Variants in RPS6KC1 observed in about 807,000 individuals in gnomAD.
RPS6KC1 encodes the protein inactive ribosomal protein S6 kinase delta-1.
RPS6KC1 carries 54 observed loss-of-function variants against 103.8 expected under a neutral mutation model. The observed-to-expected ratio is 0.52, with a 90% CI of 0.42 to 0.65. The LOEUF is 0.65. RPS6KC1 is among the 30% of genes least tolerant of loss of function. The pLI is 0.00. For synonymous variants in RPS6KC1, 439 were observed against 438.7 expected, an observed-to-expected ratio of 1.00 and a Z score of -0.01; for missense variants, 1,151 against 1,253.8, an observed-to-expected ratio of 0.92 and a Z score of 1.24.
the RPS6KC1 span, among the ~76,000 whole-genome samples, chr1:213,783,096 T>A: frequency 1.3e-5 from 2 of 152,196 alleles, no homozygotes; most frequent in East Asian, 3.9e-4. Flanking sequence ...CAGGGGAACG[T>A]GTTATTTCTT....
At chr1:213,548,725 G>C in the RPS6KC1 span, among the ~76,000 whole-genome samples, 1 of 152,086 alleles carries the variant, frequency 6.6e-6, no homozygotes. Flanking sequence ...GTAAGAAGTA[G>C]GATTGGGATG....
the RPS6KC1 span, among the ~76,000 whole-genome samples, chr1:213,390,980 A>G: frequency 6.6e-6 from 1 of 152,118 alleles, no homozygotes; most frequent in Non-Finnish European, 1.5e-5. Flanking sequence ...TTTTGGGTAT[A>G]TGTGATACCG....
At chr1:213,511,914 G>T in the RPS6KC1 span, among the ~76,000 whole-genome samples, 1 of 152,096 alleles carries the variant, frequency 6.6e-6, no homozygotes, top group Non-Finnish European at 1.5e-5. Context: ...ACTAACATAA[G>T]CTCCATAAAT....
the RPS6KC1 span, among the ~76,000 whole-genome samples, chr1:213,618,677 G>A: frequency 8.4e-4 from 128 of 152,308 alleles, no homozygotes; most frequent in African/African-American, 2.7e-3. Context: ...GAATGAGATG[G>A]TATTCCAGGA....
At chr1:213,328,540 A>ATATC in the RPS6KC1 span, among the ~76,000 whole-genome samples, 1 of 133,262 alleles carries the variant, frequency 7.5e-6, no homozygotes, top group Non-Finnish European at 1.6e-5. Flanking sequence ...ATATATATAT[A>ATATC]TCACACACAC....
intron 10 of RPS6KC1, among the ~76,000 whole-genome samples, chr1:213,239,750 T>C (rs2094308769): frequency 6.6e-6 from 1 of 152,208 alleles, no homozygotes; most frequent in Non-Finnish European, 1.5e-5. Context: ...CAAAGTATAC[T>C]TCTGTAGTTA....
the RPS6KC1 span, among the ~76,000 whole-genome samples, chr1:213,653,507 A>T: frequency 6.6e-6 from 1 of 152,010 alleles, no homozygotes; most frequent in Non-Finnish European, 1.5e-5. Context: ...GTTTCTTTCA[A>T]GTTTGTATCA....
At chr1:213,158,890 A>G (rs2090187520) in intron 6 of RPS6KC1, among the ~76,000 whole-genome samples, 1 of 152,108 alleles carries the variant, frequency 6.6e-6, no homozygotes, top group African/African-American at 2.4e-5. Flanking sequence ...AACTTTAGAG[A>G]TTACTTACCC....
At chr1:213,385,849 G>A in the RPS6KC1 span, among the ~76,000 whole-genome samples, 5 of 152,212 alleles carry the variant, frequency 3.3e-5, no homozygotes, top group African/African-American at 4.8e-5. Flanking sequence ...TGCTGAGCTC[G>A]ACTGGTGGCC....
chr1:213,279,459 CT>C (rs111956853), downstream of RPS6KC1, among the ~76,000 whole-genome samples: 59 of 152,296 alleles, frequency 3.9e-4, no homozygotes, highest in African/African-American at 1.4e-3. Context: ...AACTTATACA[CT>C]TTTTCCCCCA....
At chr1:213,299,183 T>G in the RPS6KC1 span, among the ~76,000 whole-genome samples, 1 of 148,954 alleles carries the variant, frequency 6.7e-6, no homozygotes, top group African/African-American at 2.6e-5. Flanking sequence ...AAAGCTGCAT[T>G]CTTTGTATGA....
At chr1:213,573,239 CA>C in the RPS6KC1 span, among the ~76,000 whole-genome samples, 13 of 152,146 alleles carry the variant, frequency 8.5e-5, no homozygotes, top group Admixed American at 8.5e-4. Flanking sequence ...GGAAACGCCC[CA>C]CATTAAAGCA....
chr1:213,373,457 T>G, the RPS6KC1 span, among the ~76,000 whole-genome samples: 1 of 152,232 alleles, frequency 6.6e-6, no homozygotes, highest in Non-Finnish European at 1.5e-5. Flanking sequence ...CATTTTTCAG[T>G]TATGTATGTC....
chr1:213,642,023 G>A, the RPS6KC1 span, among the ~76,000 whole-genome samples: 3 of 151,864 alleles, frequency 2.0e-5, no homozygotes, highest in African/African-American at 7.3e-5. Context: ...TGAAGCAAAA[G>A]GAAAGAGAAA....
chr1:213,642,793 T>C, the RPS6KC1 span, among the ~76,000 whole-genome samples: 1 of 152,022 alleles, frequency 6.6e-6, no homozygotes, highest in East Asian at 1.9e-4. Context: ...ATCATATTCA[T>C]CTATTATTTG....
chr1:213,524,389 C>G, the RPS6KC1 span, among the ~76,000 whole-genome samples: 1 of 152,056 alleles, frequency 6.6e-6, no homozygotes, highest in East Asian at 1.9e-4. Context: ...CCCACTCCCC[C>G]GAGAAGGAGC....
intron 5 of RPS6KC1, among the ~76,000 whole-genome samples, chr1:213,117,669 C>T (rs2083821286): frequency 6.6e-6 from 1 of 150,994 alleles, no homozygotes; most frequent in Non-Finnish European, 1.5e-5. Flanking sequence ...TTAATGGTAT[C>T]TTAGAATTGA....
chr1:213,677,936 G>A, the RPS6KC1 span, among the ~76,000 whole-genome samples: 1 of 151,976 alleles, frequency 6.6e-6, no homozygotes, highest in Non-Finnish European at 1.5e-5. Flanking sequence ...AACCCGGGAG[G>A]CAGAGGTTGC....
At chr1:213,363,604 C>CGCTCGCTT in the RPS6KC1 span, among the ~76,000 whole-genome samples, 6 of 85,132 alleles carry the variant, frequency 7.0e-5, no homozygotes, top group East Asian at 8.6e-4. Context: ...CTTGCTCGCT[C>CGCTCGCTT]GCTTGCTTGC....
Sources: gnomAD v4.1 joint callset for allele counts (sites outside exome capture counted in the v4.1 genomes callset) on GRCh38, gnomAD v4.1.1 for gene constraint, MANE v1.5 for transcripts, NCBI Gene and HGNC (gene_info 2026-07-23, HGNC 2026-07-21) for gene names.